The following TDRP variants were observed in gnomAD, a reference collection of about 807,000 sequenced individuals.
The protein encoded by TDRP is testis development-related protein.
TDRP carries 12 observed loss-of-function variants against 10.5 expected under a neutral mutation model. The observed-to-expected ratio is 1.15, with a 90% confidence interval of 0.73 to 1.86. The LOEUF (loss-of-function observed/expected upper bound fraction) is 1.86, where lower values mean the gene tolerates loss of function less well. Among genes scored for constraint, TDRP ranks in the 40% most tolerant of loss-of-function variants. The pLI is 0.00. For synonymous variants in TDRP, 139 were observed against 95.4 expected (o/e 1.46, Z -2.67); for missense variants, 353 against 229.2 (o/e 1.54, Z -3.49).
At chr8:510,427 A>G (rs912643952) in intron 1 of TDRP, among the ~76,000 whole-genome samples, 56 of 152,226 alleles carry the variant, frequency 3.7e-4, no homozygotes, top group African/African-American at 1.3e-3. Flanking sequence ...ACAAAAGATC[A>G]GATGTAATCT....
intron 1 of TDRP, among the ~76,000 whole-genome samples, chr8:497,488 G>C (rs1456797515): frequency 1.3e-5 from 2 of 152,146 alleles, no homozygotes; most frequent in Admixed American, 1.3e-4. Flanking sequence ...GCTCCTAACA[G>C]CATACAGTCA....
intron 1 of TDRP, among the ~76,000 whole-genome samples, chr8:496,780 C>T (rs1264486049): frequency 6.6e-6 from 1 of 152,158 alleles, no homozygotes; most frequent in Non-Finnish European, 1.5e-5. Flanking sequence ...AGGGGAGGGA[C>T]CTGGTGGGAG....
rs1800965531 is a variant in TDRP at position 491,292 on chromosome 8, A to G, written c.*1107T>C. ...ATTTTACTTTTAAACAAAAAAGAAA[A>G]ATATACCTTTTCTTTCAAACCACTT... On this transcript the variant is annotated 3_prime_UTR_variant, in exon 3 of 3. Transcript: ENST00000324079. 4.0e-6 allele frequency: 1 copy of G among 247,432 alleles called. No individual in the cohort carries two copies. The highest frequency in any genetic ancestry group is 5.5e-5 in the Admixed American group (1 of 18,146). 15.3% of individuals were successfully genotyped at this position (247,432 alleles called of 1,614,324 possible).
intron 1 of TDRP, among the ~76,000 whole-genome samples, chr8:521,966 C>G: frequency 6.6e-6 from 1 of 152,004 alleles, no homozygotes; most frequent in East Asian, 1.9e-4. Context: ...TTTCTTGATG[C>G]TATTATAAGT....
chr8:539,201 G>T (rs1369458520), intron 1 of TDRP, among the ~76,000 whole-genome samples: 2 of 152,176 alleles, frequency 1.3e-5, no homozygotes, highest in Admixed American at 6.5e-5. Context: ...GTATGTAAGA[G>T]GTGATCAGGG....
At chr8:499,632 G>C (rs193050129) in intron 1 of TDRP, among the ~76,000 whole-genome samples, 1 of 152,242 alleles carries the variant, frequency 6.6e-6, no homozygotes, top group Admixed American at 6.5e-5. Context: ...CGAAGTGTGA[G>C]CGTGAGGAGT....
At chr8:538,112 AGAG>A (rs1563133537) in intron 1 of TDRP, among the ~76,000 whole-genome samples, 1 of 152,234 alleles carries the variant, frequency 6.6e-6, no homozygotes, top group African/African-American at 2.4e-5. Context: ...CTATCTCAAT[AGAG>A]GAGAGGTTTG....
rs1312094662 is a variant in TDRP, at chr8:506,982, A to C, written c.109-12385T>G. ...GGGACTGGGTAATTATAAAGGAAAG[A>C]GGTTTAATTGACTCACAGTTCTGCA... is the stretch of plus-strand genomic sequence containing the variant. On this transcript the variant is annotated intron_variant, in intron 1 of 2. Coordinates refer to ENST00000324079, the MANE Select transcript of TDRP (RefSeq NM_001384899.1). Among the ~76,000 whole-genome samples the C allele has an allele frequency of 3.3e-5, 5 of 152,160 alleles. No individual in the cohort carries two copies. The East Asian group carries it at 9.6e-4, about 29-fold the overall frequency.
intron 1 of TDRP, among the ~76,000 whole-genome samples, chr8:544,435 G>A (rs1049223333): frequency 1.3e-5 from 2 of 152,062 alleles, no homozygotes; most frequent in African/African-American, 4.8e-5. Flanking sequence ...GGACCACAGC[G>A]GCAACTCAGC....
In TDRP at chr8:515,506, C is replaced by A. The variant is rs567019057; in HGVS notation, c.109-20909G>T. Among the ~76,000 whole-genome samples the A allele has an allele frequency of 9.9e-5, 15 of 152,244 alleles. No individual in the cohort carries two copies. In the South Asian group the frequency reaches 3.1e-3, roughly 32 times the overall value. The stretch of plus-strand genomic sequence containing the variant: ...CTGAAAATCCAAAATCCAAAATGCT[C>A]CAATGGGCATTTTTGTCGATCATCA... On this transcript the variant is annotated intron_variant, in intron 1 of 2. Coordinates refer to ENST00000324079, the MANE Select transcript of TDRP (RefSeq NM_001384899.1).
rs1800970135 is a variant in TDRP at position 491,456 on chromosome 8, C to CTGG, written c.*942_*943insCCA. On this transcript the variant is annotated 3_prime_UTR_variant, in exon 3 of 3. Coordinates refer to ENST00000324079, the MANE Select transcript of TDRP (RefSeq NM_001384899.1). ...AAAGAACGCGAGAGATGCTCTCAAACCGGTCGTCGATTATTCTTGTGGAAA... is the reference window on the plus strand; with the variant it reads ...AAAGAACGCGAGAGATGCTCTCAAACTGGCGGTCGTCGATTATTCTTGTGGAAA... 1.5e-6 allele frequency: 1 copy of CTGG among 650,098 alleles called. No individual in the cohort carries two copies. The highest frequency in any genetic ancestry group is 2.4e-6 in the Non-Finnish European group (1 of 421,818). 40.3% of individuals were successfully genotyped at this position (650,098 alleles called of 1,614,324 possible).
In TDRP at chr8:491,913, G is replaced by T. The variant is rs1274062605; in HGVS notation, c.*486C>A. ...GTTTAATAAGAACAAAGTTTAATTT[G>T]TCAAGTTAAACAAAATTTAACATAA... On this transcript the variant is annotated 3_prime_UTR_variant, in exon 3 of 3. Coordinates refer to ENST00000324079, the MANE Select transcript of TDRP (RefSeq NM_001384899.1). 1 of 1,145,294 alleles carries T rather than the reference G, an allele frequency of 8.7e-7. No individual in the cohort carries two copies. The highest frequency in any genetic ancestry group is 1.1e-6 in the Non-Finnish European group (1 of 934,220). The allele number at this position is 1,145,294 out of a possible 1,614,324, so 70.9% of individuals were successfully genotyped here. A position where few individuals can be genotyped will look rare whatever the true frequency, so the allele number is the denominator to read the frequency against.
Position 492,489 on chromosome 8 carries a change from G to A in TDRP, c.468C>T (p.Ser156=), listed in dbSNP as rs1801007171. The stretch of plus-strand genomic sequence containing the variant: ...TCCCTGCCGCGCGCAGGCTCCACCT[G>A]GAGCTGTTGGCAGAGCTGGCCAGGC... ...YTSLASSANS[S]RWSLRAAGRL... The change falls in exon 3 of 3, where the codon TCC becomes TCT. Residue 156 remains serine (S), a synonymous_variant. Transcript: ENST00000324079. 1 of 1,610,726 alleles carries A rather than the reference G, an allele frequency of 6.2e-7. No individual in the cohort carries two copies. Among genetic ancestry groups the A allele is most frequent in the Admixed American group, 1.7e-5 (1 of 59,626 alleles).
chr8:515,859 A>G (rs1801743857), intron 1 of TDRP, among the ~76,000 whole-genome samples: 1 of 152,208 alleles, frequency 6.6e-6, no homozygotes, highest in Admixed American at 6.5e-5. Context: ...ACATAACTAG[A>G]AAATGGGAGA....
chr8:521,226 C>G (rs1362748461), intron 1 of TDRP, among the ~76,000 whole-genome samples: 1 of 145,802 alleles, frequency 6.9e-6, no homozygotes, highest in Non-Finnish European at 1.5e-5. Context: ...CACGGTCAAA[C>G]CCCGTCTCTA....
At chr8:531,682 G>C (rs1189943985) in intron 1 of TDRP, among the ~76,000 whole-genome samples, 1 of 152,178 alleles carries the variant, frequency 6.6e-6, no homozygotes, top group African/African-American at 2.4e-5. Flanking sequence ...TCAAACAAAT[G>C]TCTGAGTTAT....
At chr8:492,866 CTATATGAAA>C (rs1801020993) in intron 2 of TDRP, 122 bp from the exon 3 acceptor site, 1 of 775,490 alleles carries the variant, frequency 1.3e-6, no homozygotes, top group South Asian at 2.6e-5. Flanking sequence ...TAACACAAGT[CTATATGAAA>C]AGTTTCAAAT....
At chr8:505,991 G>C (rs558630830) in intron 1 of TDRP, among the ~76,000 whole-genome samples, 1 of 152,124 alleles carries the variant, frequency 6.6e-6, no homozygotes, top group African/African-American at 2.4e-5. Context: ...GGAAATGTGG[G>C]CATGGACATC....
upstream of TDRP, chr8:545,052 C>T (rs1253604548): frequency 4.1e-6 from 1 of 241,610 alleles, no homozygotes; most frequent in East Asian, 7.7e-5. Context: ...GACCCGCCCC[C>T]AAACCTTCCC....
Sources: allele counts gnomAD v4.1 joint callset (sites outside exome capture counted in the v4.1 genomes callset), GRCh38; gene constraint gnomAD v4.1.1; transcripts MANE v1.5; gene names NCBI Gene and HGNC (gene_info 2026-07-23, HGNC 2026-07-21).